Variants in LRRC4C observed in about 807,000 individuals in gnomAD.
The protein encoded by LRRC4C is leucine rich repeat containing 4C, also known as leucine-rich repeat-containing protein 4C.
A neutral mutation model predicts 33.6 loss-of-function variants in LRRC4C; 5 were observed. The observed-to-expected ratio is 0.15, with a 90% CI of 0.08 to 0.31. LRRC4C has a LOEUF of 0.31. Ranked by LOEUF, LRRC4C falls within the 10% of genes least tolerant of loss-of-function variation. The pLI, the probability that LRRC4C is intolerant of heterozygous loss-of-function variation, is 1.00. For missense variants in LRRC4C, 560 were observed against 796.7 expected (o/e 0.70, Z 3.58); for synonymous variants, 329 against 302.0 (o/e 1.09, Z -0.93).
chr11:40,440,150 G>A (rs896761643), intron 3 of LRRC4C, among the ~76,000 whole-genome samples: 3 of 152,270 alleles, frequency 2.0e-5, no homozygotes, highest in African/African-American at 7.2e-5. Context: ...AGGGCAGGGA[G>A]CTTGTCTGTT....
intron 5 of LRRC4C, among the ~76,000 whole-genome samples, chr11:40,143,647 G>T (rs902712512): frequency 6.6e-6 from 1 of 152,086 alleles, no homozygotes; most frequent in Non-Finnish European, 1.5e-5. Flanking sequence ...TTCCTTCAGG[G>T]CTCTGCTAAA....
At chr11:40,710,538 A>G (rs892186979) in intron 2 of LRRC4C, among the ~76,000 whole-genome samples, 1 of 152,154 alleles carries the variant, frequency 6.6e-6, no homozygotes, top group African/African-American at 2.4e-5. Context: ...AGAACAGCAA[A>G]TATTGCAGAA....
chr11:41,124,609 A>G (rs1046941034), intron 1 of LRRC4C, among the ~76,000 whole-genome samples: 2 of 152,220 alleles, frequency 1.3e-5, no homozygotes, highest in Non-Finnish European at 2.9e-5. Context: ...TTAATTTTCT[A>G]TCTATAAACA....
At chr11:40,454,441 T>A (rs1427268719) in intron 3 of LRRC4C, among the ~76,000 whole-genome samples, 6 of 152,132 alleles carry the variant, frequency 3.9e-5, no homozygotes, top group Admixed American at 2.0e-4. Flanking sequence ...AGTAAAACTC[T>A]GACATCTTCG....
chr11:41,353,846 G>C (rs7939240), intron 1 of LRRC4C, among the ~76,000 whole-genome samples: 1 of 151,416 alleles, frequency 6.6e-6, no homozygotes, highest in Non-Finnish European at 1.5e-5. Context: ...ACAAAACAAC[G>C]CAACAATCTA....
intron 1 of LRRC4C, among the ~76,000 whole-genome samples, chr11:41,351,961 T>G (rs571443359): frequency 3.3e-5 from 5 of 152,220 alleles, no homozygotes; most frequent in East Asian, 1.9e-4. Context: ...AAAAAGCAAC[T>G]GTACAATCAA....
chr11:40,447,619 C>G (rs1951697546), intron 3 of LRRC4C, among the ~76,000 whole-genome samples: 1 of 152,098 alleles, frequency 6.6e-6, no homozygotes, highest in Non-Finnish European at 1.5e-5. Flanking sequence ...AGGTAAGACT[C>G]AAGAAAATTA....
chr11:40,257,374 A>G (rs1867292239), intron 4 of LRRC4C, among the ~76,000 whole-genome samples: 1 of 152,198 alleles, frequency 6.6e-6, no homozygotes, highest in East Asian at 1.9e-4. Context: ...ACATAAGAAC[A>G]TAAGAGTATT....
chr11:41,319,124 T>C (rs1950879913), intron 1 of LRRC4C, among the ~76,000 whole-genome samples: 1 of 152,156 alleles, frequency 6.6e-6, no homozygotes, highest in Non-Finnish European at 1.5e-5. Context: ...GCAAATGACT[T>C]CCATGAGAAC....
rs924822349 is a variant in LRRC4C at position 41,408,128 on chromosome 11, A to G, written c.-496+51303T>C. ...TGAAAAGCAGAAGGTCAGAGAGGTT[A>G]CAAGATGTGTACAGGGTGAAACAGG... On this transcript the variant is annotated intron_variant, in intron 1 of 6. Transcript: ENST00000528697. Among the ~76,000 whole-genome samples, 3 of 152,220 alleles carry G rather than the reference A, an allele frequency of 2.0e-5. No individual in the cohort carries two copies. In the East Asian group the frequency reaches 5.8e-4, roughly 29 times the overall value.
intron 1 of LRRC4C, among the ~76,000 whole-genome samples, chr11:41,390,141 T>C (rs2137988671): frequency 6.6e-6 from 1 of 152,048 alleles, no homozygotes; most frequent in Admixed American, 6.6e-5. Flanking sequence ...GCCGAGGATT[T>C]GAGGGATATA....
intron 1 of LRRC4C, among the ~76,000 whole-genome samples, chr11:41,444,757 A>G (rs779499351): frequency 1.3e-5 from 2 of 152,182 alleles, no homozygotes; most frequent in African/African-American, 2.4e-5. Context: ...AAAAGTGGAG[A>G]GAAAATAAGA....
chr11:41,005,004 A>AT (rs200501488), intron 1 of LRRC4C, among the ~76,000 whole-genome samples: 25,960 of 150,902 alleles, frequency 0.17, 2,346 homozygotes, highest in Middle Eastern at 0.26. Flanking sequence ...TATTATTATT[A>AT]TAATTATTAC....
chr11:41,370,642 C>A (rs1364965489), intron 1 of LRRC4C, among the ~76,000 whole-genome samples: 1 of 152,156 alleles, frequency 6.6e-6, no homozygotes, highest in East Asian at 1.9e-4. Context: ...CAATTAAACT[C>A]CTTTTTCTTC....
At chr11:40,348,347 A>T (rs1947231623) in intron 3 of LRRC4C, among the ~76,000 whole-genome samples, 1 of 152,086 alleles carries the variant, frequency 6.6e-6, no homozygotes. Flanking sequence ...CCAGAAAAAA[A>T]TTATTATTAC....
At chr11:40,794,801 T>C (rs928679051) in intron 2 of LRRC4C, among the ~76,000 whole-genome samples, 1 of 151,488 alleles carries the variant, frequency 6.6e-6, no homozygotes, top group Admixed American at 6.6e-5. Flanking sequence ...AGATCACGAC[T>C]CAAAGTCCGT....
chr11:40,397,427 G>A (rs763575728), intron 3 of LRRC4C, among the ~76,000 whole-genome samples: 4 of 151,930 alleles, frequency 2.6e-5, no homozygotes, highest in Admixed American at 2.0e-4. Context: ...AGAAAAAAAC[G>A]TTTTAAAAAC....
chr11:41,075,721 A>T (rs543644926), intron 1 of LRRC4C, among the ~76,000 whole-genome samples: 1 of 152,282 alleles, frequency 6.6e-6, no homozygotes, highest in South Asian at 2.1e-4. Context: ...CCAAAGAGTT[A>T]TCTATGTGTA....
intron 1 of LRRC4C, among the ~76,000 whole-genome samples, chr11:41,312,069 A>G (rs750195429): frequency 3.9e-5 from 6 of 152,190 alleles, no homozygotes; most frequent in Non-Finnish European, 7.4e-5. Flanking sequence ...ATGAATCCCT[A>G]TGCCCCTCTA....
Sources: gnomAD v4.1 joint callset for allele counts (sites outside exome capture counted in the v4.1 genomes callset) on GRCh38, gnomAD v4.1.1 for gene constraint, MANE v1.5 for transcripts, NCBI Gene and HGNC (gene_info 2026-07-23, HGNC 2026-07-21) for gene names.